The following PRKD1 variants were observed in gnomAD, a reference collection of about 807,000 sequenced individuals.
PRKD1 encodes protein kinase D1, also known as serine/threonine-protein kinase D1.
PRKD1 carries 63 observed loss-of-function variants against 95.9 expected under a neutral mutation model. The observed-to-expected ratio is 0.66, with a 90% CI of 0.54 to 0.81. The LOEUF is 0.81. Ranked by LOEUF, PRKD1 falls within the 30% of genes least tolerant of loss-of-function variation. The pLI is 0.00. For synonymous variants in PRKD1, 425 were observed against 423.1 expected (o/e 1.00, Z -0.05); for missense variants, 1,048 against 1,165.3 (o/e 0.90, Z 1.47).
intron 2 of PRKD1, among the ~76,000 whole-genome samples, chr14:29,721,875 T>G (rs1885915001): frequency 6.6e-6 from 1 of 152,084 alleles, no homozygotes; most frequent in Admixed American, 6.6e-5. Flanking sequence ...TTACTGCGTT[T>G]AAATGTACTA....
At chr14:29,896,658 A>C (rs1203095476) in intron 1 of PRKD1, among the ~76,000 whole-genome samples, 1 of 151,948 alleles carries the variant, frequency 6.6e-6, no homozygotes, top group African/African-American at 2.4e-5. Flanking sequence ...CCTTATTTAC[A>C]CAAAATGGTT....
chr14:29,737,368 T>C (rs1472982578), intron 1 of PRKD1, among the ~76,000 whole-genome samples: 4 of 131,464 alleles, frequency 3.0e-5, no homozygotes, highest in Non-Finnish European at 6.5e-5. Context: ...AAAAATACTC[T>C]GCCAGTTTAC....
At chr14:29,713,823 C>T (rs1211079939) in intron 2 of PRKD1, among the ~76,000 whole-genome samples, 2 of 152,098 alleles carry the variant, frequency 1.3e-5, no homozygotes, top group South Asian at 2.1e-4. Flanking sequence ...ATAACCATGA[C>T]CAGTTCTCAG....
intron 10 of PRKD1, among the ~76,000 whole-genome samples, chr14:29,629,344 C>T (rs1255404358): frequency 6.6e-6 from 1 of 152,130 alleles, no homozygotes; most frequent in Non-Finnish European, 1.5e-5. Context: ...GATTCAAATA[C>T]TGGCTTTGCT....
At chr14:29,686,845 T>C (rs960970642) in intron 2 of PRKD1, among the ~76,000 whole-genome samples, 1 of 152,260 alleles carries the variant, frequency 6.6e-6, no homozygotes, top group Non-Finnish European at 1.5e-5. Flanking sequence ...ATTATTTTCA[T>C]TGCCGTTCTC....
chr14:29,837,296 T>C lies in PRKD1; in HGVS notation c.264+89953A>G, dbSNP rs1891647169. ...CTCTACTAGTTTTAGGTCTTCATGC[T>C]TTGCTACAGCATGAAGTACATGACT... On this transcript the variant is annotated intron_variant, in intron 1 of 17. Transcript: ENST00000331968. 2.6e-5 allele frequency among the ~76,000 whole-genome samples: 4 copies of C among 152,210 alleles called. No individual in the cohort carries two copies. In the South Asian group the frequency reaches 8.3e-4, roughly 32 times the overall value.
At chr14:29,617,659 A>T (rs1013369037) in intron 13 of PRKD1, among the ~76,000 whole-genome samples, 1 of 152,206 alleles carries the variant, frequency 6.6e-6, no homozygotes, top group Non-Finnish European at 1.5e-5. Flanking sequence ...CTTTATATGC[A>T]CTGTGATATT....
intron 1 of PRKD1, among the ~76,000 whole-genome samples, chr14:29,912,739 G>A (rs893123600): frequency 6.6e-6 from 1 of 151,996 alleles, no homozygotes; most frequent in Non-Finnish European, 1.5e-5. Context: ...TTAGCTAACC[G>A]TATTTTCTCC....
intron 1 of PRKD1, among the ~76,000 whole-genome samples, chr14:29,831,606 T>A (rs551446177): frequency 6.6e-6 from 1 of 152,154 alleles, no homozygotes; most frequent in Admixed American, 6.5e-5. Flanking sequence ...GTAGCTGGGA[T>A]TACAGGCATG....
In PRKD1 at chr14:29,908,528, G is replaced by A. The variant is rs532188585; in HGVS notation, c.264+18721C>T. Among the ~76,000 whole-genome samples the A allele has an allele frequency of 3.2e-4, 49 of 151,706 alleles. 1 individual carries two copies. Among genetic ancestry groups the A allele is most frequent in the Admixed American group, 1.4e-3 (21 of 15,238 alleles). Reference sequence around the variant, plus strand: ...TCTCGAACTTCTGACCTCATGATCCGCCCGCCTCAGCCTCCCAAAGTGCTG... The same window carrying A: ...TCTCGAACTTCTGACCTCATGATCCACCCGCCTCAGCCTCCCAAAGTGCTG... On this transcript the variant is annotated intron_variant, in intron 1 of 17. Transcript: ENST00000331968.
At chr14:29,583,136 G>A (rs1892803319) in intron 16 of PRKD1, among the ~76,000 whole-genome samples, 1 of 152,064 alleles carries the variant, frequency 6.6e-6, no homozygotes, top group African/African-American at 2.4e-5. Context: ...GAGATACTTC[G>A]GGAAGAATGC....
intron 2 of PRKD1, among the ~76,000 whole-genome samples, chr14:29,702,178 T>C (rs769884720): frequency 6.6e-6 from 1 of 152,106 alleles, no homozygotes; most frequent in Non-Finnish European, 1.5e-5. Context: ...ATCCTAAGTA[T>C]TTTATGGATT....
intron 2 of PRKD1, among the ~76,000 whole-genome samples, chr14:29,672,939 G>A (rs189460578): frequency 1.7e-3 from 251 of 151,918 alleles, no homozygotes; most frequent in Admixed American, 4.3e-3. Flanking sequence ...AGGATGCACC[G>A]GGACAGTAGG....
At chr14:29,888,624 C>T (rs751143261) in intron 1 of PRKD1, among the ~76,000 whole-genome samples, 5 of 152,072 alleles carry the variant, frequency 3.3e-5, no homozygotes, top group African/African-American at 4.8e-5. Flanking sequence ...TCTAAGTTGA[C>T]CAGCAGAGTT....
rs747401643 is a variant in PRKD1, at chr14:29,586,538, T to G, written c.2435-8178A>C. Among the ~76,000 whole-genome samples, 6 of 152,216 alleles carry G rather than the reference T, an allele frequency of 3.9e-5. No homozygotes were observed. The South Asian group carries it at 6.2e-4, about 16-fold the overall frequency. ...TTTTAAATCCACAGTAAACTCAGTA[T>G]GATCGTATTTCTTATCCCCAAATCA... is the stretch of plus-strand genomic sequence containing the variant. On this transcript the variant is annotated intron_variant, in intron 16 of 17. Transcript: ENST00000331968.
rs368480600 is a variant in PRKD1 at position 29,598,995 on chromosome 14, G to A, written c.2166+32C>T. The A allele has an allele frequency of 3.0e-4, 472 of 1,556,966 alleles. 1 individual carries two copies. The highest frequency in any genetic ancestry group is 4.2e-4 in the Admixed American group (25 of 59,398). Reference sequence around the variant, plus strand: ...ATGGAAGCTAGCAATGCTTCCAACTGGCTTTTTGCTGAGAGAGGCTTTTAT... The same window carrying A: ...ATGGAAGCTAGCAATGCTTCCAACTAGCTTTTTGCTGAGAGAGGCTTTTAT... On this transcript the variant is annotated intron_variant, in intron 15 of 17. Transcript: ENST00000331968.
At chr14:29,693,627 C>CAA (rs772835816) in intron 2 of PRKD1, among the ~76,000 whole-genome samples, 1,069 of 81,492 alleles carry the variant, frequency 0.013, 7 homozygotes, top group African/African-American at 0.016. Context: ...TGACCTCAGT[C>CAA]AAAAAAAAAA....
At chr14:29,835,512 G>T (rs117927549) in intron 1 of PRKD1, among the ~76,000 whole-genome samples, 1 of 152,048 alleles carries the variant, frequency 6.6e-6, no homozygotes, top group South Asian at 2.1e-4. Flanking sequence ...GACCAGCCTC[G>T]TTGAAATCTG....
At chr14:29,884,066 A>C (rs1410614833) in intron 1 of PRKD1, among the ~76,000 whole-genome samples, 1 of 152,218 alleles carries the variant, frequency 6.6e-6, no homozygotes, top group Non-Finnish European at 1.5e-5. Flanking sequence ...ATGCTCAGTT[A>C]AAGAACAATA....
Sources: allele counts gnomAD v4.1 joint callset (sites outside exome capture counted in the v4.1 genomes callset), GRCh38; gene constraint gnomAD v4.1.1; transcripts MANE v1.5; gene names NCBI Gene and HGNC (gene_info 2026-07-23, HGNC 2026-07-21).